RHOH: variants seen among roughly 807,000 people sequenced by gnomAD.
RHOH encodes rho-related GTP-binding protein RhoH.
A neutral mutation model predicts 13.8 loss-of-function variants in RHOH; 6 were observed. That is an observed-to-expected ratio of 0.44 (90% confidence interval 0.24 to 0.86). The LOEUF is 0.86. RHOH is among the 40% of genes least tolerant of loss of function. The pLI is 0.24. For missense variants in RHOH, 147 were observed against 244.5 expected (o/e 0.60, Z 2.66); for synonymous variants, 117 against 103.0 (o/e 1.14, Z -0.82).
intron 1 of RHOH, among the ~76,000 whole-genome samples, chr4:40,219,998 C>A (rs1726353867): frequency 6.6e-6 from 1 of 152,192 alleles, no homozygotes. Flanking sequence ...CTAGGTAAAG[C>A]AGGGACAGGG....
chr4:40,228,408 A>G lies in RHOH; in HGVS notation c.-330-14306A>G, dbSNP rs377283661. On this transcript the variant is annotated intron_variant, in intron 1 of 2. Coordinates refer to ENST00000381799, the MANE Select transcript of RHOH (RefSeq NM_004310.5). ...TACTTTTATAATCAGAAAATAGGAT[A>G]TATAGAAATGGTCTGGAAAAAATGA... 6.6e-5 allele frequency among the ~76,000 whole-genome samples: 10 copies of G among 152,348 alleles called. No homozygotes were observed. The East Asian group carries it at 1.3e-3, about 21-fold the overall frequency.
At chr4:40,198,665 C>A (rs571354270) in intron 1 of RHOH, among the ~76,000 whole-genome samples, 1 of 152,276 alleles carries the variant, frequency 6.6e-6, no homozygotes, top group Admixed American at 6.5e-5. Flanking sequence ...TCGTGTGGCT[C>A]GGGGTACCAG....
At chr4:40,206,662 C>T (rs998029326) in intron 1 of RHOH, among the ~76,000 whole-genome samples, 5 of 151,968 alleles carry the variant, frequency 3.3e-5, no homozygotes, top group Admixed American at 3.3e-4. Context: ...GTTGGAGGCA[C>T]GTACAGGAAA....
At chr4:40,237,793 T>TA (rs1379075322) in intron 1 of RHOH, among the ~76,000 whole-genome samples, 10 of 152,106 alleles carry the variant, frequency 6.6e-5, no homozygotes, top group African/African-American at 1.2e-4. Context: ...CTCATATTTT[T>TA]AAAAAAAGAC....
chr4:40,211,526 G>A (rs549274297), intron 1 of RHOH, among the ~76,000 whole-genome samples: 4 of 152,022 alleles, frequency 2.6e-5, no homozygotes, highest in South Asian at 2.1e-4. Flanking sequence ...CGCCTGCCTC[G>A]GCCTCCCAAA....
Position 40,244,617 on chromosome 4 carries a change from T to C in RHOH, c.*655T>C, listed in dbSNP as rs1729643275. On this transcript the variant is annotated 3_prime_UTR_variant, in exon 3 of 3. Coordinates refer to ENST00000381799, the MANE Select transcript of RHOH (RefSeq NM_004310.5). ...ATACTGCCTAATGATTTTAAAGTTA[T>C]CACTATATTTTTCTGAAATGATAAA... is the stretch of plus-strand genomic sequence containing the variant. The C allele has an allele frequency of 5.0e-6, 1 of 198,274 alleles. No homozygotes were observed. The highest frequency in any genetic ancestry group is 2.0e-4 in the South Asian group (1 of 5,126). 12.3% of individuals were successfully genotyped at this position (198,274 alleles called of 1,614,324 possible).
intron 1 of RHOH, among the ~76,000 whole-genome samples, chr4:40,198,685 C>T (rs971182309): frequency 1.3e-5 from 2 of 152,198 alleles, no homozygotes; most frequent in East Asian, 3.9e-4. Flanking sequence ...GTAAGACCTC[C>T]ACCTCTGGTT....
chr4:40,238,700 T>G (rs1329114276), intron 1 of RHOH, among the ~76,000 whole-genome samples: 1 of 152,238 alleles, frequency 6.6e-6, no homozygotes, highest in Non-Finnish European at 1.5e-5. Context: ...TCATTAATTC[T>G]ATCTGATTCA....
At chr4:40,221,726 A>G (rs1726608194) in intron 1 of RHOH, among the ~76,000 whole-genome samples, 1 of 152,202 alleles carries the variant, frequency 6.6e-6, no homozygotes, top group South Asian at 2.1e-4. Flanking sequence ...TAATAAACCT[A>G]TAATGGCCTC....
At chr4:40,240,671 G>C (rs1729136205) in intron 1 of RHOH, among the ~76,000 whole-genome samples, 1 of 152,112 alleles carries the variant, frequency 6.6e-6, no homozygotes, top group African/African-American at 2.4e-5. Flanking sequence ...CAGCTGCTCG[G>C]GAGGCTGAGG....
intron 1 of RHOH, among the ~76,000 whole-genome samples, chr4:40,200,112 G>A (rs10016721): frequency 2.0e-5 from 3 of 152,056 alleles, no homozygotes; most frequent in Non-Finnish European, 4.4e-5. Context: ...ACAGTGTGGG[G>A]GCTGGGGTGG....
In RHOH at chr4:40,197,227, C is replaced by T. The variant is rs1723249836; in HGVS notation, c.-404C>T. On this transcript the variant is annotated 5_prime_UTR_variant, in exon 1 of 3. Transcript: ENST00000381799. Reference sequence around the variant, plus strand: ...CTTGGGCCGCTTTTGTTTTCACCTGCTTTTGTTGAACAAATTTGATTTCCG... The same window carrying T: ...CTTGGGCCGCTTTTGTTTTCACCTGTTTTTGTTGAACAAATTTGATTTCCG... 1 of 152,214 alleles carries T rather than the reference C, an allele frequency of 6.6e-6. No individual in the cohort carries two copies. The highest frequency in any genetic ancestry group is 1.5e-5 in the Non-Finnish European group (1 of 68,042). The allele number at this position is 152,214 out of a possible 1,614,324, so 9.4% of individuals were successfully genotyped here.
chr4:40,220,213 C>T (rs796153197), intron 1 of RHOH, among the ~76,000 whole-genome samples: 19 of 152,208 alleles, frequency 1.2e-4, no homozygotes, highest in East Asian at 3.9e-4. Context: ...TGCCTGCATG[C>T]GGTCCACCAG....
upstream of RHOH, among the ~76,000 whole-genome samples, chr4:40,194,664 C>T (rs146394790): frequency 2.1e-3 from 318 of 152,366 alleles, 1 homozygote; most frequent in African/African-American, 7.2e-3. Flanking sequence ...GCGTGAGCCA[C>T]TGCGCCCGGC....
upstream of RHOH, chr4:40,193,804 C>T (rs78103893): frequency 0.052 from 7,965 of 152,426 alleles, 247 homozygotes; most frequent in Middle Eastern, 0.085. Context: ...ACAGGGGTCT[C>T]GCAGCCAGGT....
upstream of RHOH, among the ~76,000 whole-genome samples, chr4:40,192,724 G>T (rs767081938): frequency 6.6e-6 from 1 of 152,198 alleles, no homozygotes; most frequent in Non-Finnish European, 1.5e-5. Context: ...ACCTGAAGGG[G>T]ACCGTTTGCA....
At chr4:40,225,815 G>A (rs927101320) in intron 1 of RHOH, among the ~76,000 whole-genome samples, 6 of 152,338 alleles carry the variant, frequency 3.9e-5, no homozygotes, top group Middle Eastern at 3.4e-3. Context: ...CTAAGAGAGA[G>A]GTAGGGAGAG....
intron 1 of RHOH, among the ~76,000 whole-genome samples, chr4:40,210,299 G>C (rs1161215262): frequency 1.3e-5 from 2 of 152,166 alleles, no homozygotes; most frequent in Non-Finnish European, 1.5e-5. Flanking sequence ...ATTTCTCCAC[G>C]TAACAGGAAT....
rs547213788 is a variant in RHOH at position 40,232,672 on chromosome 4, G to T, written c.-330-10042G>T. On this transcript the variant is annotated intron_variant, in intron 1 of 2. Transcript: ENST00000381799. The stretch of plus-strand genomic sequence containing the variant: ...TGCTGATGAGCAGAAGGCAACCTTG[G>T]ATTGTATAAAATCACAGGCTCATCT... Among the ~76,000 whole-genome samples the T allele has an allele frequency of 3.3e-5, 5 of 152,256 alleles. No individual in the cohort carries two copies. In the East Asian group the frequency reaches 7.7e-4, roughly 23 times the overall value.
Sources: allele counts gnomAD v4.1 joint callset (sites outside exome capture counted in the v4.1 genomes callset), GRCh38; gene constraint gnomAD v4.1.1; transcripts MANE v1.5; gene names NCBI Gene and HGNC (gene_info 2026-07-23, HGNC 2026-07-21).